The following TBCE variants were observed in gnomAD, a reference collection of about 807,000 sequenced individuals.
TBCE encodes tubulin-specific chaperone E.
Under a neutral mutation model 77.0 loss-of-function variants are expected in TBCE, and 53 were observed. The ratio of observed to expected loss-of-function variants is 0.69; its 90% CI spans 0.55 to 0.87. TBCE has a LOEUF of 0.87. Ranked by LOEUF, TBCE falls within the 40% of genes least tolerant of loss-of-function variation. The probability of loss-of-function intolerance (pLI) is 0.00; values close to 1 mark genes in which losing one functional copy is unlikely to be tolerated. For missense variants in TBCE, 624 were observed against 622.4 expected, an observed-to-expected ratio of 1.00 and a Z score of -0.03; for synonymous variants, 235 against 241.3, an observed-to-expected ratio of 0.97 and a Z score of 0.24.
intron 1 of TBCE, among the ~76,000 whole-genome samples, chr1:235,375,144 T>C (rs1677217747): frequency 6.6e-6 from 1 of 151,742 alleles, no homozygotes; most frequent in Non-Finnish European, 1.5e-5. Context: ...ATGGTCTCAA[T>C]CTCCTGACCT....
At chr1:235,393,786 G>GATAT (rs1678554328) in intron 2 of TBCE, among the ~76,000 whole-genome samples, 1 of 152,012 alleles carries the variant, frequency 6.6e-6, no homozygotes, top group South Asian at 2.1e-4. Context: ...AGAGCAAATA[G>GATAT]ATATATATGT....
intron 15 of TBCE, among the ~76,000 whole-genome samples, chr1:235,446,998 C>A (rs935020286): frequency 6.6e-6 from 1 of 152,042 alleles, no homozygotes; most frequent in Non-Finnish European, 1.5e-5. Flanking sequence ...GTTTTATGAC[C>A]AAACTTTTTG....
chr1:235,435,605 C>T (rs572007363), intron 8 of TBCE, 140 bp from the exon 9 acceptor site: 2 of 720,362 alleles, frequency 2.8e-6, no homozygotes, highest in South Asian at 3.2e-5. Context: ...AGGGACCACT[C>T]AGGTTGCCCC....
chr1:235,444,363 G>GA (rs1212850018), intron 15 of TBCE, among the ~76,000 whole-genome samples: 1 of 152,158 alleles, frequency 6.6e-6, no homozygotes, highest in Non-Finnish European at 1.5e-5. Context: ...GGCCCTGGTG[G>GA]AGACAGACTA....
chr1:235,417,799 A>T (rs563965465), intron 4 of TBCE, among the ~76,000 whole-genome samples: 9 of 152,168 alleles, frequency 5.9e-5, no homozygotes, highest in Middle Eastern at 3.4e-3. Flanking sequence ...GTTTTGAGAC[A>T]GAGTTTCACT....
chr1:235,438,921 G>C lies in TBCE; in HGVS notation c.1269G>C (p.Leu423=). The C allele has an allele frequency of 1.9e-6, 3 of 1,614,162 alleles. No individual in the cohort carries two copies. The highest frequency in any genetic ancestry group is 2.5e-6 in the Non-Finnish European group (3 of 1,180,044). ...TAHPRYQFLC[L]KYGAPEDWEL... ...ATCCCAGATACCAGTTCCTCTGCCTGAGTACGTGCGTATACACTGGTGGCC... is the reference window on the plus strand; with the variant it reads ...ATCCCAGATACCAGTTCCTCTGCCTCAGTACGTGCGTATACACTGGTGGCC... The change falls in exon 13 of 17, where the codon CTG becomes CTC. Residue 423 remains leucine (L), a splice_region_variant and synonymous_variant. Transcript: ENST00000642610.
intron 15 of TBCE, among the ~76,000 whole-genome samples, chr1:235,446,608 C>T (rs1682331394): frequency 6.6e-6 from 1 of 151,808 alleles, no homozygotes; most frequent in African/African-American, 2.4e-5. Context: ...AATGTTAAGA[C>T]AGTCATGTTA....
chr1:235,424,464 A>G lies in TBCE; in HGVS notation c.461-2676A>G, dbSNP rs578241027. On this transcript the variant is annotated intron_variant, in intron 5 of 16. Coordinates refer to ENST00000642610, the MANE Select transcript of TBCE (RefSeq NM_003193.5). Reference sequence around the variant, plus strand: ...CTCAGCCCCCTGAGTAGCTGGGACCACAGATACGTGCCACCACGCTTGGCT... The same window carrying G: ...CTCAGCCCCCTGAGTAGCTGGGACCGCAGATACGTGCCACCACGCTTGGCT... Among the ~76,000 whole-genome samples, 3 of 149,786 alleles carry G rather than the reference A, an allele frequency of 2.0e-5. No homozygotes were observed. The East Asian group carries it at 5.9e-4, about 29-fold the overall frequency.
At chr1:235,446,988 G>C (rs1682382233) in intron 15 of TBCE, among the ~76,000 whole-genome samples, 1 of 152,076 alleles carries the variant, frequency 6.6e-6, no homozygotes. Context: ...TATTAGAACT[G>C]TTTTATGACC....
At chr1:235,422,877 G>C (rs1039819948) in intron 5 of TBCE, among the ~76,000 whole-genome samples, 6 of 152,214 alleles carry the variant, frequency 3.9e-5, no homozygotes, top group Non-Finnish European at 5.9e-5. Flanking sequence ...AGTGCTGGCT[G>C]TTGGGTTGCT....
intron 3 of TBCE, among the ~76,000 whole-genome samples, chr1:235,409,023 T>A (rs1469359653): frequency 6.6e-6 from 1 of 152,098 alleles, no homozygotes; most frequent in Non-Finnish European, 1.5e-5. Flanking sequence ...TTTTTTTTTT[T>A]TTTTAGTATA....
rs1187284568 is a variant in TBCE, at chr1:235,450,401, A to G, written c.*1639A>G. 5 of 1,557,924 alleles carry G rather than the reference A, an allele frequency of 3.2e-6. No individual in the cohort carries two copies. The highest frequency in any genetic ancestry group is 4.4e-6 in the Non-Finnish European group (5 of 1,132,566). On this transcript the variant is annotated 3_prime_UTR_variant, in exon 17 of 17. Coordinates refer to ENST00000642610, the MANE Select transcript of TBCE (RefSeq NM_003193.5). ...TGAAACTGTTTTAAGAGCATCAGAA[A>G]GTATGCACGTAGACAGCTTTTATGT... is the stretch of plus-strand genomic sequence containing the variant.
rs1399182035 is a variant in TBCE, at chr1:235,432,990, G to A, written c.661-1214G>A. 6 of 1,504,790 alleles carry A rather than the reference G, an allele frequency of 4.0e-6. No individual in the cohort carries two copies. In the African/African-American group the frequency reaches 7.0e-5, roughly 18 times the overall value. 93.2% of individuals were successfully genotyped at this position (1,504,790 alleles called of 1,614,324 possible). A position where few individuals can be genotyped will look rare whatever the true frequency, so the allele number is the denominator to read the frequency against. On this transcript the variant is annotated intron_variant, in intron 7 of 16. Coordinates refer to ENST00000642610, the MANE Select transcript of TBCE (RefSeq NM_003193.5). ...GCAGCAGGCACGGTCTCGACATGCA[G>A]AAAGACGCCAGCAAGTTCGTGGATC...
chr1:235,402,271 C>T, intron 3 of TBCE, among the ~76,000 whole-genome samples: 1 of 151,914 alleles, frequency 6.6e-6, no homozygotes, highest in East Asian at 1.9e-4. Flanking sequence ...ACCATATTGG[C>T]CAGGCTGGTC....
At chr1:235,445,380 G>A (rs1392846898) in intron 15 of TBCE, among the ~76,000 whole-genome samples, 1 of 152,188 alleles carries the variant, frequency 6.6e-6, no homozygotes, top group Non-Finnish European at 1.5e-5. Flanking sequence ...TGTAATCCTA[G>A]CACTTTGGGA....
At chr1:235,419,096 A>C in intron 4 of TBCE, 1 of 320,008 alleles carries the variant, frequency 3.1e-6, no homozygotes, top group East Asian at 8.0e-5. Flanking sequence ...AATCCCAGCT[A>C]CTGGGGAGGC....
chr1:235,403,708 G>A (rs1308361300), intron 3 of TBCE, among the ~76,000 whole-genome samples: 1 of 152,204 alleles, frequency 6.6e-6, no homozygotes, highest in African/African-American at 2.4e-5. Flanking sequence ...CTAATGGGAA[G>A]CCTTGGTTCA....
chr1:235,425,074 G>A (rs1680631275), intron 5 of TBCE, among the ~76,000 whole-genome samples: 1 of 152,138 alleles, frequency 6.6e-6, no homozygotes, highest in East Asian at 1.9e-4. Flanking sequence ...AGACCTTCTG[G>A]GGTGTGGCTG....
At chr1:235,443,671 C>A (rs935281123) in intron 15 of TBCE, among the ~76,000 whole-genome samples, 5 of 152,130 alleles carry the variant, frequency 3.3e-5, no homozygotes, top group Non-Finnish European at 5.9e-5. Flanking sequence ...CAAATTCTTA[C>A]GGGAGGTTTG....
Sources: gnomAD v4.1 joint callset for allele counts (sites outside exome capture counted in the v4.1 genomes callset) on GRCh38, gnomAD v4.1.1 for gene constraint, MANE v1.5 for transcripts, NCBI Gene and HGNC (gene_info 2026-07-23, HGNC 2026-07-21) for gene names.